Variants in RANBP2 observed in about 807,000 individuals in gnomAD.
RANBP2 encodes RAN binding protein 2.
RANBP2 carries 57 observed loss-of-function variants against 303.6 expected under a neutral mutation model. The ratio of observed to expected loss-of-function variants is 0.19; its 90% CI spans 0.15 to 0.23. The LOEUF (loss-of-function observed/expected upper bound fraction) is 0.23, where lower values mean the gene tolerates loss of function less well. Ranked by LOEUF, RANBP2 falls within the 10% of genes least tolerant of loss-of-function variation. The pLI is 1.00. For synonymous variants in RANBP2, 1,167 were observed against 1,301.5 expected, an observed-to-expected ratio of 0.90 and a Z score of 2.23; for missense variants, 3,138 against 3,780.8, an observed-to-expected ratio of 0.83 and a Z score of 4.46.
At chr2:108,730,907 T>C (rs1351647619) in intron 3 of RANBP2, 22 bp downstream of exon 3, 9 of 1,611,404 alleles carry the variant, frequency 5.6e-6, no homozygotes, top group Non-Finnish European at 7.6e-6. Flanking sequence ...GATTCAAATA[T>C]AGCCTTTGCA....
chr2:109,252,785 T>C, the RANBP2 span, among the ~76,000 whole-genome samples: 2 of 152,226 alleles, frequency 1.3e-5, no homozygotes, highest in Admixed American at 1.3e-4. Context: ...TGTTGTATAA[T>C]AAAGTGTTGA....
chr2:109,544,298 G>C, the RANBP2 span: 7 of 1,599,432 alleles, frequency 4.4e-6, no homozygotes, highest in East Asian at 8.9e-5. Flanking sequence ...CTGTGCTCTG[G>C]AACTTCTGTT....
chr2:109,339,112 A>AC, the RANBP2 span, among the ~76,000 whole-genome samples: 1 of 152,188 alleles, frequency 6.6e-6, no homozygotes, highest in Non-Finnish European at 1.5e-5. Flanking sequence ...TGTGGGCTGA[A>AC]CAGGAGGAGG....
At chr2:108,830,405 T>A in the RANBP2 span, among the ~76,000 whole-genome samples, 25 of 152,354 alleles carry the variant, frequency 1.6e-4, no homozygotes, top group Non-Finnish European at 2.8e-4. Context: ...TATTTTACCA[T>A]AATAAAGATT....
At chr2:109,640,191 G>A in the RANBP2 span, among the ~76,000 whole-genome samples, 11 of 151,260 alleles carry the variant, frequency 7.3e-5, no homozygotes, top group Admixed American at 7.2e-4. Context: ...AGTGGCTCAT[G>A]CCTGTAATCC....
At chr2:109,692,820 C>CTTTTT in the RANBP2 span, among the ~76,000 whole-genome samples, 3 of 139,316 alleles carry the variant, frequency 2.2e-5, no homozygotes, top group Non-Finnish European at 3.1e-5. Context: ...TTCTTTCTTT[C>CTTTTT]TTTTTTTTTT....
At chr2:109,540,503 T>C in the RANBP2 span, among the ~76,000 whole-genome samples, 1 of 152,108 alleles carries the variant, frequency 6.6e-6, no homozygotes. Context: ...TCTCTAGCAA[T>C]GCTTTTGGCC....
chr2:109,424,501 CG>C, the RANBP2 span, among the ~76,000 whole-genome samples: 4 of 152,156 alleles, frequency 2.6e-5, no homozygotes, highest in Non-Finnish European at 4.4e-5. Context: ...ATTGAAGCTT[CG>C]GGGCAACCCA....
the RANBP2 span, among the ~76,000 whole-genome samples, chr2:109,136,312 C>T: frequency 6.6e-6 from 1 of 151,952 alleles, no homozygotes; most frequent in African/African-American, 2.4e-5. Context: ...CAATTTTTAT[C>T]AGATTTGCCT....
chr2:109,083,181 A>C, the RANBP2 span, among the ~76,000 whole-genome samples: 2 of 152,166 alleles, frequency 1.3e-5, no homozygotes, highest in African/African-American at 2.4e-5. Context: ...CATACAGGTC[A>C]GTGGCATTAA....
chr2:109,587,127 A>C, the RANBP2 span, among the ~76,000 whole-genome samples: 1 of 152,254 alleles, frequency 6.6e-6, no homozygotes, highest in East Asian at 1.9e-4. Flanking sequence ...AAGAATCTAC[A>C]GGAAAAAGAT....
the RANBP2 span, among the ~76,000 whole-genome samples, chr2:108,813,549 A>G: frequency 1.3e-5 from 2 of 152,198 alleles, no homozygotes; most frequent in African/African-American, 4.8e-5. Flanking sequence ...TTGCTATTAT[A>G]TTTCAGTCAA....
chr2:109,302,183 C>T, the RANBP2 span, among the ~76,000 whole-genome samples: 2 of 152,210 alleles, frequency 1.3e-5, no homozygotes, highest in African/African-American at 4.8e-5. Context: ...GTTGGTACTC[C>T]TACAGCCAGT....
At chr2:109,466,614 T>C in the RANBP2 span, among the ~76,000 whole-genome samples, 2 of 150,978 alleles carry the variant, frequency 1.3e-5, no homozygotes, top group African/African-American at 5.0e-5. Context: ...ATTTCATGAT[T>C]GTGTCTTTGG....
chr2:108,839,208 G>A, the RANBP2 span: 1 of 1,611,336 alleles, frequency 6.2e-7, no homozygotes, highest in Admixed American at 1.7e-5. Flanking sequence ...TGACAGAGCA[G>A]CTACAGTGGA....
the RANBP2 span, chr2:109,616,272 A>G: frequency 0.15 from 104,658 of 690,800 alleles, 8,655 homozygotes; most frequent in African/African-American, 0.28. Context: ...CTTGACCTGT[A>G]CCTCTTCTCT....
chr2:109,353,876 T>A, the RANBP2 span, among the ~76,000 whole-genome samples: 1 of 152,056 alleles, frequency 6.6e-6, no homozygotes, highest in Non-Finnish European at 1.5e-5. Flanking sequence ...CAGGTTCCCC[T>A]CAGCCCTCAG....
chr2:109,686,381 C>G, the RANBP2 span, among the ~76,000 whole-genome samples: 1 of 152,164 alleles, frequency 6.6e-6, no homozygotes, highest in Non-Finnish European at 1.5e-5. Flanking sequence ...GTGGCACAAT[C>G]TCGGCTCACT....
chr2:109,269,668 A>G, the RANBP2 span, among the ~76,000 whole-genome samples: 1 of 152,122 alleles, frequency 6.6e-6, no homozygotes. Flanking sequence ...AGTCCCAGCT[A>G]CTCAGGAGGC....
Sources: gnomAD v4.1 joint callset for allele counts (sites outside exome capture counted in the v4.1 genomes callset) on GRCh38, gnomAD v4.1.1 for gene constraint, MANE v1.5 for transcripts, NCBI Gene and HGNC (gene_info 2026-07-23, HGNC 2026-07-21) for gene names.